The following SPAST variants were observed in gnomAD, a reference collection of about 807,000 sequenced individuals.
SPAST encodes spastin.
Under a neutral mutation model 76.6 loss-of-function variants are expected in SPAST, and 30 were observed. The observed-to-expected ratio is 0.39, with a 90% confidence interval of 0.29 to 0.53. The LOEUF (loss-of-function observed/expected upper bound fraction) is 0.53. Ranked by LOEUF, SPAST falls within the 20% of genes least tolerant of loss-of-function variation. The pLI is 0.68. For missense variants in SPAST, 717 were observed against 770.5 expected, an observed-to-expected ratio of 0.93 and a Z score of 0.82; for synonymous variants, 305 against 281.0, an observed-to-expected ratio of 1.09 and a Z score of -0.86.
rs541036416 is a variant in SPAST, at chr2:32,131,671, CT to C, written c.1245+3213del. Among the ~76,000 whole-genome samples, 784 of 107,990 alleles carry C rather than the reference CT, an allele frequency of 7.3e-3. 3 individuals are homozygous for C. The highest frequency in any genetic ancestry group is 0.019 in the African/African-American group (562 of 28,890). 70.8% of individuals were successfully genotyped at this position (107,990 alleles called of 152,430 possible). ...TTAAAAATATTACAGCAACCATTCT[CT>C]TTTTTTTTTTTTTTTTTTTTGAGAT... On this transcript the variant is annotated intron_variant, in intron 9 of 16. Transcript: ENST00000315285.
intron 9 of SPAST, among the ~76,000 whole-genome samples, chr2:32,131,656 T>A (rs1042752226): frequency 6.6e-6 from 1 of 150,846 alleles, no homozygotes; most frequent in Non-Finnish European, 1.5e-5. Context: ...TTAAAAATAT[T>A]ACAGCAACCA....
chr2:32,065,912 G>GTGT (rs1330438286), intron 1 of SPAST: 3 of 151,864 alleles, frequency 2.0e-5, no homozygotes, highest in Non-Finnish European at 2.9e-5. Context: ...GTCAAGGAGG[G>GTGT]TGTTAACATT....
At chr2:32,126,202 C>T (rs906088097) in intron 7 of SPAST, among the ~76,000 whole-genome samples, 17 of 152,128 alleles carry the variant, frequency 1.1e-4, no homozygotes, top group African/African-American at 4.1e-4. Context: ...TTCACGTCAG[C>T]GTGCTTCTTG....
rs1676375816 is a variant in SPAST at position 32,063,714 on chromosome 2, A to G, written c.-118A>G. On this transcript the variant is annotated 5_prime_UTR_variant, in exon 1 of 17. Transcript: ENST00000315285. ...AGCGTGCGGCAGTGCGGAGCTCCTG[A>G]GACCGGCGGGCACACGGGGGTCTGT... The G allele has an allele frequency of 2.1e-6, 3 of 1,395,576 alleles. No homozygotes were observed. The highest frequency in any genetic ancestry group is 1.3e-5 in the South Asian group (1 of 74,080). 86.4% of individuals were successfully genotyped at this position (1,395,576 alleles called of 1,614,324 possible).
chr2:32,145,334 T>C (rs1340250322), intron 15 of SPAST, among the ~76,000 whole-genome samples: 2 of 152,140 alleles, frequency 1.3e-5, no homozygotes, highest in African/African-American at 4.8e-5. Flanking sequence ...CGGGCTCAAG[T>C]GAGCAGCCTG....
intron 16 of SPAST, among the ~76,000 whole-genome samples, chr2:32,148,618 G>A (rs1300777367): frequency 6.6e-6 from 1 of 152,112 alleles, no homozygotes; most frequent in Non-Finnish European, 1.5e-5. Context: ...GACCATGCTG[G>A]CTAACATGGT....
chr2:32,152,192 C>T (rs1054211426), intron 16 of SPAST, among the ~76,000 whole-genome samples: 2 of 152,116 alleles, frequency 1.3e-5, no homozygotes, highest in African/African-American at 4.8e-5. Context: ...TAGTCTCTTA[C>T]GTTAAAATAT....
intron 3 of SPAST, among the ~76,000 whole-genome samples, chr2:32,095,472 C>G (rs1384594223): frequency 6.6e-6 from 1 of 151,902 alleles, no homozygotes; most frequent in African/African-American, 2.4e-5. Context: ...TGGCTCATAC[C>G]TGTAATCCTA....
At chr2:32,111,909 C>A (rs1678622635) in intron 4 of SPAST, among the ~76,000 whole-genome samples, 1 of 149,530 alleles carries the variant, frequency 6.7e-6, no homozygotes, top group Non-Finnish European at 1.5e-5. Context: ...TATAAAGTCT[C>A]AGAACTATAT....
chr2:32,126,883 G>A (rs1679210267), intron 7 of SPAST, 65 bp from the exon 8 acceptor site: 1 of 1,114,484 alleles, frequency 9.0e-7, no homozygotes, highest in Non-Finnish European at 1.4e-6. Context: ...ATGCTTTTTA[G>A]ATGGCAAAGA....
chr2:32,092,723 A>G (rs929226020), intron 3 of SPAST, among the ~76,000 whole-genome samples: 1 of 152,262 alleles, frequency 6.6e-6, no homozygotes, highest in African/African-American at 2.4e-5. Context: ...GAAAGGTGAC[A>G]TCGGCTGGGC....
At chr2:32,122,272 G>A (rs1679046128) in intron 7 of SPAST, among the ~76,000 whole-genome samples, 2 of 152,214 alleles carry the variant, frequency 1.3e-5, no homozygotes, top group East Asian at 1.9e-4. Flanking sequence ...GGGAGGAGAC[G>A]ACTTTGTTTT....
intron 4 of SPAST, among the ~76,000 whole-genome samples, chr2:32,104,891 C>T (rs988755306): frequency 6.6e-6 from 1 of 152,158 alleles, no homozygotes; most frequent in Admixed American, 6.5e-5. Flanking sequence ...AACATTTTTT[C>T]CTACATTTCA....
At position 32,147,633 on chromosome 2, in the gene SPAST, T is replaced by TG. The variant is rs1332876963; in HGVS notation, c.1728+376dup. On this transcript the variant is annotated intron_variant, in intron 16 of 16. Coordinates refer to ENST00000315285, the MANE Select transcript of SPAST (RefSeq NM_014946.4). Reference sequence around the variant, plus strand: ...CATCTGGCTGTTTTGTTTGTTTGTTTGTTTGTTTGTTTGTTTGAGACGGAG... The same window carrying TG: ...CATCTGGCTGTTTTGTTTGTTTGTTTGGTTTGTTTGTTTGTTTGAGACGGAG... Among the ~76,000 whole-genome samples, 1,033 of 140,284 alleles carry TG rather than the reference T, an allele frequency of 7.4e-3. 15 individuals carry two copies. Among genetic ancestry groups the TG allele is most frequent in the African/African-American group, 0.026 (966 of 37,512 alleles). 92.0% of individuals were successfully genotyped at this position (140,284 alleles called of 152,430 possible).
chr2:32,114,945 C>T (rs897164002), intron 5 of SPAST, 120 bp downstream of exon 5: 2 of 730,334 alleles, frequency 2.7e-6, no homozygotes. Flanking sequence ...GGATAAGTTT[C>T]CATAAAGTTA....
At chr2:32,114,552 T>C in intron 4 of SPAST, 86 bp from the exon 5 acceptor site, 4 of 1,008,012 alleles carry the variant, frequency 4.0e-6, no homozygotes. Context: ...AAAAATATAT[T>C]ATTACCTTGG....
chr2:32,139,885 C>T (rs1679661922), intron 12 of SPAST, among the ~76,000 whole-genome samples: 1 of 147,556 alleles, frequency 6.8e-6, no homozygotes, highest in South Asian at 2.1e-4. Flanking sequence ...CCTAGGAATA[C>T]GGCTGATGAA....
intron 7 of SPAST, among the ~76,000 whole-genome samples, chr2:32,125,365 A>T (rs888249780): frequency 6.6e-6 from 1 of 152,076 alleles, no homozygotes; most frequent in African/African-American, 2.4e-5. Flanking sequence ...CTGAGATTAC[A>T]GGCATGTGCC....
chr2:32,068,893 CAA>C (rs550306120), intron 1 of SPAST, among the ~76,000 whole-genome samples: 111 of 103,888 alleles, frequency 1.1e-3, no homozygotes, highest in Non-Finnish European at 9.9e-4. Flanking sequence ...GAGACTCCAT[CAA>C]AAAAAAAAAA....
Sources: allele counts gnomAD v4.1 joint callset (sites outside exome capture counted in the v4.1 genomes callset), GRCh38; gene constraint gnomAD v4.1.1; transcripts MANE v1.5; gene names NCBI Gene and HGNC (gene_info 2026-07-23, HGNC 2026-07-21).